BRF1: variants seen among roughly 807,000 people sequenced by gnomAD.
BRF1 encodes transcription factor IIIB 90 kDa subunit.
BRF1 carries 59 observed loss-of-function variants against 81.7 expected under a neutral mutation model. The observed-to-expected ratio is 0.72, with a 90% CI of 0.59 to 0.90. The LOEUF is 0.90. BRF1 is among the 40% of genes least tolerant of loss of function. BRF1 has a pLI of 0.00. For synonymous variants in BRF1, 491 were observed against 395.6 expected (o/e 1.24, Z -2.86); for missense variants, 1,050 against 936.3 (o/e 1.12, Z -1.58).
At chr14:105,287,392 G>A (rs1403179020) in intron 1 of BRF1, among the ~76,000 whole-genome samples, 1 of 152,180 alleles carries the variant, frequency 6.6e-6, no homozygotes, top group African/African-American at 2.4e-5. Context: ...CATGCCCAAA[G>A]ATGGGGAGAG....
chr14:105,226,525 C>A (rs1893125950), intron 8 of BRF1, 109 bp downstream of exon 8: 1 of 1,562,574 alleles, frequency 6.4e-7, no homozygotes, highest in South Asian at 1.2e-5. Flanking sequence ...TGAAGAGCGG[C>A]TATGAGGCTT....
intron 15 of BRF1, chr14:105,213,010 T>A (rs1226063935): frequency 6.6e-6 from 1 of 152,140 alleles, no homozygotes; most frequent in African/African-American, 2.4e-5. Flanking sequence ...GGGCTCCCCA[T>A]GTGGTCCCTC....
At chr14:105,260,945 C>A (rs966909931) in intron 3 of BRF1, among the ~76,000 whole-genome samples, 9 of 152,238 alleles carry the variant, frequency 5.9e-5, no homozygotes, top group African/African-American at 2.2e-4. Flanking sequence ...GCCTACAGGT[C>A]CCCCAGCTAA....
chr14:105,314,496 A>C (rs948419398), intron 1 of BRF1: 1 of 145,660 alleles, frequency 6.9e-6, no homozygotes, highest in African/African-American at 2.5e-5. Context: ...GTCTGTGCGC[A>C]GGCGCGTGAG....
chr14:105,308,413 C>T (rs2058251996), intron 1 of BRF1, among the ~76,000 whole-genome samples: 1 of 151,298 alleles, frequency 6.6e-6, no homozygotes, highest in African/African-American at 2.4e-5. Context: ...GCCCAGGAGA[C>T]AGAAGTTGCA....
At chr14:105,249,622 G>A (rs756296515) in intron 5 of BRF1, 2 of 1,596,416 alleles carry the variant, frequency 1.3e-6, no homozygotes, top group Middle Eastern at 1.7e-4. Flanking sequence ...CCCCTGACGC[G>A]GGCCCTGCCT....
In BRF1 at chr14:105,210,566, C is replaced by G; in HGVS notation, c.2019G>C (p.Glu673Asp). The stretch of plus-strand genomic sequence containing the variant: ...AGGCCACACTTCAGTAGCCGTCGTC[C>G]TCATCGCCATCACAGCCATAGTCTG... ...GSNDYGCDGD[E>D]DDGY Residue 673 changes from glutamate to aspartate, a missense_variant, in exon 18 of 18, where the codon GAG (glutamate) becomes GAC (aspartate). Glu to Asp is a conservative substitution (Grantham distance 45). Around this residue, in one of 2 missense-constraint regions of BRF1, gnomAD observed 1,043 missense variants for 915.4 expected, o/e 1.14. Coordinates refer to ENST00000547530, the MANE Select transcript of BRF1 (RefSeq NM_001519.4). The surrounding 1 kb of genome is among the most constrained non-coding windows in gnomAD (Gnocchi z 4.7). 1 of 1,611,664 alleles carries G rather than the reference C, an allele frequency of 6.2e-7. No homozygotes were observed. Among genetic ancestry groups the G allele is most frequent in the Middle Eastern group, 1.6e-4 (1 of 6,062 alleles).
At chr14:105,266,272 C>T (rs757744522) in intron 3 of BRF1, among the ~76,000 whole-genome samples, 45 of 151,378 alleles carry the variant, frequency 3.0e-4, no homozygotes, top group Non-Finnish European at 6.0e-4. Context: ...ACAGTGAGAC[C>T]CCATCTCTAG....
At chr14:105,270,163 T>C (rs1348574437) in intron 3 of BRF1, among the ~76,000 whole-genome samples, 1 of 139,008 alleles carries the variant, frequency 7.2e-6, no homozygotes, top group African/African-American at 2.7e-5. Flanking sequence ...AATTTCAAAA[T>C]GTTGAAAGGA....
intron 3 of BRF1, among the ~76,000 whole-genome samples, chr14:105,268,433 T>G (rs2056517799): frequency 6.6e-6 from 1 of 152,158 alleles, no homozygotes; most frequent in African/African-American, 2.4e-5. Flanking sequence ...CCGTTCCTCC[T>G]CCAGGAATCC....
rs1173353316 is a variant in BRF1 at position 105,219,236 on chromosome 14, G to A, written c.1378-4C>T. 12 of 1,610,604 alleles carry A rather than the reference G, an allele frequency of 7.5e-6. No homozygotes were observed. The highest frequency in any genetic ancestry group is 1.7e-5 in the Admixed American group (1 of 59,934). The stretch of plus-strand genomic sequence containing the variant: ...CTTCCGACTCATTCAGGATGTACTG[G>A]GCGAGCACAGGGAAGTGGGGCTGGC... On this transcript the variant is annotated splice_polypyrimidine_tract_variant and splice_region_variant and intron_variant, in intron 12 of 17. Coordinates refer to ENST00000547530, the MANE Select transcript of BRF1 (RefSeq NM_001519.4).
At chr14:105,301,720 C>G (rs587624456), upstream of BRF1, among the ~76,000 whole-genome samples, 1 of 152,364 alleles carries the variant, frequency 6.6e-6, no homozygotes, top group East Asian at 1.9e-4. Flanking sequence ...TGTGGTTACC[C>G]GTGAGTCACC....
intron 3 of BRF1, among the ~76,000 whole-genome samples, chr14:105,257,709 G>A (rs2055953775): frequency 6.6e-6 from 1 of 152,172 alleles, no homozygotes; most frequent in South Asian, 2.1e-4. Context: ...TGACATCAAA[G>A]GAAACCAAAG....
intron 11 of BRF1, 47 bp from the exon 12 acceptor site, chr14:105,220,177 A>G: frequency 6.2e-7 from 1 of 1,609,160 alleles, no homozygotes; most frequent in South Asian, 1.1e-5. Context: ...AGCACTGATT[A>G]TAGGAGCGTG....
chr14:105,253,669 C>T (rs1275939881), intron 4 of BRF1, among the ~76,000 whole-genome samples: 1 of 152,230 alleles, frequency 6.6e-6, no homozygotes, highest in East Asian at 1.9e-4. Flanking sequence ...TGATCAGGGA[C>T]CCTGCCCGCT....
At chr14:105,247,101 G>A in intron 5 of BRF1, 1 of 985,476 alleles carries the variant, frequency 1.0e-6, no homozygotes, top group Non-Finnish European at 1.2e-6. Context: ...GGCTGGGACA[G>A]AAACCACGGC....
rs1385752238 is a variant in BRF1, at chr14:105,248,269, C to T, written c.544+4238G>A. ...ACAGGCCGCGGCCAGAGGCAGACTC[C>T]GGAATGCAAATGGCCAAACAAGCAG... On this transcript the variant is annotated intron_variant, in intron 5 of 17. Coordinates refer to ENST00000547530, the MANE Select transcript of BRF1 (RefSeq NM_001519.4). 1.9e-5 allele frequency: 19 copies of T among 985,344 alleles called. No individual in the cohort carries two copies. The African/African-American group carries it at 2.3e-4, about 12-fold the overall frequency. 61.0% of individuals were successfully genotyped at this position (985,344 alleles called of 1,614,324 possible).
At chr14:105,275,978 G>C (rs2735815) in intron 2 of BRF1, among the ~76,000 whole-genome samples, 5,805 of 64,456 alleles carry the variant, frequency 0.09, 196 homozygotes, top group African/African-American at 0.17. Flanking sequence ...AGCTGAGAGG[G>C]GGCCCTCACT....
At chr14:105,303,854 C>T (rs1273558991), upstream of BRF1, among the ~76,000 whole-genome samples, 1 of 152,222 alleles carries the variant, frequency 6.6e-6, no homozygotes, top group Non-Finnish European at 1.5e-5. Context: ...TATGGCAACA[C>T]TAGCTTGCAG....
Sources: allele counts gnomAD v4.1 joint callset (sites outside exome capture counted in the v4.1 genomes callset), GRCh38; gene constraint gnomAD v4.1.1; regional missense constraint gnomAD v4.1.1; non-coding constraint Gnocchi (gnomAD v3.1); transcripts MANE v1.5; gene names NCBI Gene and HGNC (gene_info 2026-07-23, HGNC 2026-07-21).